DGKD: variants seen among roughly 807,000 people sequenced by gnomAD.
DGKD encodes the protein DAG kinase delta.
DGKD carries 68 observed loss-of-function variants against 154.4 expected under a neutral mutation model. The ratio of observed to expected loss-of-function variants is 0.44; its 90% CI spans 0.36 to 0.54. The LOEUF (loss-of-function observed/expected upper bound fraction) is 0.54, where lower values mean the gene tolerates loss of function less well. DGKD is among the 20% of genes least tolerant of loss of function. DGKD has a pLI of 0.00. For synonymous variants in DGKD, 693 were observed against 638.0 expected (o/e 1.09, Z -1.30); for missense variants, 1,343 against 1,593.6 (o/e 0.84, Z 2.68).
intron 3 of DGKD, among the ~76,000 whole-genome samples, chr2:233,398,664 G>A (rs770344678): frequency 6.6e-5 from 10 of 152,082 alleles, no homozygotes; most frequent in East Asian, 1.9e-4. Flanking sequence ...TCACTGTGTC[G>A]CCCAGGCTGG....
intron 1 of DGKD, among the ~76,000 whole-genome samples, chr2:233,380,328 C>G (rs779052328): frequency 7.2e-5 from 11 of 152,192 alleles, no homozygotes; most frequent in Non-Finnish European, 2.9e-5. Flanking sequence ...AGCAGTGATG[C>G]TGACAGAGCG....
chr2:233,468,247 GGGTGCCGGCTGCTGGGCTA>G (rs2063891045), intron 28 of DGKD, among the ~76,000 whole-genome samples, 157 bp from the exon 29 acceptor site: 1 of 131,698 alleles, frequency 7.6e-6, no homozygotes, highest in South Asian at 2.6e-4. Context: ...GGGCTATCTC[GGGTGCCGGCTGCTGGGCTA>G]TCTCAGGCGC....
At chr2:233,419,161 C>T (rs1187568072) in intron 3 of DGKD, 8 of 953,496 alleles carry the variant, frequency 8.4e-6, no homozygotes, top group African/African-American at 1.8e-5. Flanking sequence ...GCCACCTTTC[C>T]AAGCGCTGCA....
Position 233,449,681 on chromosome 2 carries a change from C to T in DGKD, c.1889-301C>T, listed in dbSNP as rs926848559. ...TCACGGCCTCACACCCGCACACCTG[C>T]GTGTCCATGCAGCCGCTCCTCCCGC... is the stretch of plus-strand genomic sequence containing the variant. On this transcript the variant is annotated intron_variant, in intron 15 of 29. Coordinates refer to ENST00000264057, the MANE Select transcript of DGKD (RefSeq NM_152879.3). The surrounding 1 kb of genome is among the most constrained non-coding windows in gnomAD (Gnocchi z 5.3). Among the ~76,000 whole-genome samples, 7 of 152,166 alleles carry T rather than the reference C, an allele frequency of 4.6e-5. No individual in the cohort carries two copies. The highest frequency in any genetic ancestry group is 1.7e-4 in the African/African-American group (7 of 41,450).
chr2:233,423,682 G>GT (rs1366329000), intron 3 of DGKD, among the ~76,000 whole-genome samples: 1 of 152,106 alleles, frequency 6.6e-6, no homozygotes, highest in Non-Finnish European at 1.5e-5. Context: ...GGTGGGCATG[G>GT]TTTTTTCTTG....
rs1294917718 is a variant in DGKD at position 233,417,661 on chromosome 2, G to A, written c.349-16719G>A. Reference sequence around the variant, plus strand: ...CATGTATCATTATAGATAATTAAGTGCAGATAACCCAAACAAACAAAAACC... The same window carrying A: ...CATGTATCATTATAGATAATTAAGTACAGATAACCCAAACAAACAAAAACC... On this transcript the variant is annotated intron_variant, in intron 3 of 29. Transcript: ENST00000264057. 5.9e-5 allele frequency among the ~76,000 whole-genome samples: 9 copies of A among 152,206 alleles called. No individual in the cohort carries two copies. The East Asian group carries it at 1.7e-3, about 29-fold the overall frequency.
chr2:233,444,908 C>G lies in DGKD; in HGVS notation c.1195-715C>G, dbSNP rs185286703. Reference sequence around the variant, plus strand: ...TTCATGGCCCTGGTCACTCTGTTGTCAGAGTCAAAGGCTGGTGAGCTCTGG... The same window carrying G: ...TTCATGGCCCTGGTCACTCTGTTGTGAGAGTCAAAGGCTGGTGAGCTCTGG... On this transcript the variant is annotated intron_variant, in intron 10 of 29. Transcript: ENST00000264057. 5.1e-4 allele frequency among the ~76,000 whole-genome samples: 78 copies of G among 152,032 alleles called. 1 individual carries two copies. The highest frequency in any genetic ancestry group is 5.0e-3 in the Admixed American group (77 of 15,276).
intron 3 of DGKD, among the ~76,000 whole-genome samples, chr2:233,395,496 G>C (rs901828329): frequency 6.6e-6 from 1 of 151,206 alleles, no homozygotes; most frequent in African/African-American, 2.4e-5. Context: ...ATGGTCTCTT[G>C]GTACCTCTCT....
At chr2:233,368,366 G>A (rs1403117873) in intron 1 of DGKD, among the ~76,000 whole-genome samples, 1 of 152,010 alleles carries the variant, frequency 6.6e-6, no homozygotes, top group Admixed American at 6.6e-5. Context: ...AAAAAAATTA[G>A]CTGGGCATCG....
At position 233,429,387 on chromosome 2, in the gene DGKD, C is replaced by T. The variant is rs184715808; in HGVS notation, c.349-4993C>T. 66 of 935,088 alleles carry T rather than the reference C, an allele frequency of 7.1e-5. No homozygotes were observed. In the African/African-American group the frequency reaches 1.1e-3, roughly 15 times the overall value. The allele number at this position is 935,088 out of a possible 1,614,324, so 57.9% of individuals were successfully genotyped here. A position where few individuals can be genotyped will look rare whatever the true frequency, so the allele number is the denominator to read the frequency against. ...CTCACCCAGGGTGAACAGTTCGGGACGTGTGCTCAGACTTGATAGGTAGAC... is the reference window on the plus strand; with the variant it reads ...CTCACCCAGGGTGAACAGTTCGGGATGTGTGCTCAGACTTGATAGGTAGAC... On this transcript the variant is annotated intron_variant, in intron 3 of 29. Transcript: ENST00000264057.
In DGKD at chr2:233,459,945, T is replaced by C; in HGVS notation, c.2829+54T>C. The C allele has an allele frequency of 6.3e-7, 1 of 1,583,838 alleles. No homozygotes were observed. The highest frequency in any genetic ancestry group is 8.6e-7 in the Non-Finnish European group (1 of 1,166,592). ...TGGGGTACAGGGCTCACCTGTGGGC[T>C]CTTGTGTGCACTGTTAAGAGCTGGA... On this transcript the variant is annotated intron_variant, in intron 23 of 29. Transcript: ENST00000264057. The surrounding 1 kb of genome is among the most constrained non-coding windows in gnomAD (Gnocchi z 5.7).
intron 1 of DGKD, chr2:233,379,817 AT>A (rs1212647900): frequency 2.6e-5 from 4 of 152,100 alleles, no homozygotes; most frequent in African/African-American, 9.7e-5. Context: ...TTTCTATATT[AT>A]TATTTTAATA....
rs527539032 is a variant in DGKD at position 233,450,141 on chromosome 2, C to G, written c.2038+10C>G. 1.9e-6 allele frequency: 3 copies of G among 1,599,468 alleles called. No individual in the cohort carries two copies. The South Asian group carries it at 3.4e-5, about 18-fold the overall frequency. The stretch of plus-strand genomic sequence containing the variant: ...AGGAGCCAGCGCAAAGGTACTTGTG[C>G]CTCCACCTCCCTCTGCGCACCGTCG... On this transcript the variant is annotated intron_variant, in intron 16 of 29. Transcript: ENST00000264057.
At chr2:233,395,584 T>C (rs2125459777) in intron 3 of DGKD, among the ~76,000 whole-genome samples, 1 of 151,538 alleles carries the variant, frequency 6.6e-6, no homozygotes, top group South Asian at 2.1e-4. Flanking sequence ...TTTTCTTTTT[T>C]CTCCTCCCCT....
chr2:233,415,134 T>C (rs1023614427), intron 3 of DGKD, among the ~76,000 whole-genome samples: 7 of 152,202 alleles, frequency 4.6e-5, no homozygotes, highest in African/African-American at 1.7e-4. Context: ...AGAGCAAAAC[T>C]TGAGAGCACC....
chr2:233,423,562 G>T (rs901867863), intron 3 of DGKD, among the ~76,000 whole-genome samples: 1 of 152,092 alleles, frequency 6.6e-6, no homozygotes, highest in Non-Finnish European at 1.5e-5. Flanking sequence ...GCTGTCGGGG[G>T]TGAGGACTCA....
At position 233,459,793 on chromosome 2, in the gene DGKD, G is replaced by A. The variant is rs753901500; in HGVS notation, c.2731G>A (p.Gly911Ser). ...TVKISILGDE[G>S]VPVQVDGEAW... is the part of the protein sequence containing the mutation. ...GAAGATCTCCATCCTTGGGGATGAG[G>A]GCGTGCCTGTGCAGGTGGACGGAGA... is the stretch of plus-strand genomic sequence containing the variant. Residue 911 changes from glycine (G) to serine (S), a missense_variant, in exon 23 of 30, where the codon GGC becomes AGC. Around this residue, in one of 6 missense-constraint regions of DGKD, gnomAD observed 429 missense variants for 496.3 expected, o/e 0.86. Transcript: ENST00000264057. The surrounding 1 kb of genome is among the most constrained non-coding windows in gnomAD (Gnocchi z 5.7). 6.2e-7 allele frequency: 1 copy of A among 1,613,914 alleles called. No homozygotes were observed. The highest frequency in any genetic ancestry group is 1.1e-5 in the South Asian group (1 of 91,068).
At chr2:233,385,101 T>C (rs10168794) in intron 1 of DGKD, among the ~76,000 whole-genome samples, 13,942 of 152,268 alleles carry the variant, frequency 0.092, 726 homozygotes, top group African/African-American at 0.14. Context: ...TTGGGCCTGC[T>C]AGTGCCTTTC....
chr2:233,417,356 T>C (rs2061984965), intron 3 of DGKD, among the ~76,000 whole-genome samples: 2 of 152,192 alleles, frequency 1.3e-5, no homozygotes, highest in South Asian at 4.1e-4. Flanking sequence ...TTTTAAAAGG[T>C]GCAGTTCTGT....
Sources: gnomAD v4.1 joint callset for allele counts (sites outside exome capture counted in the v4.1 genomes callset) on GRCh38, gnomAD v4.1.1 for gene constraint, gnomAD v4.1.1 regional missense constraint, Gnocchi (gnomAD v3.1) non-coding constraint, MANE v1.5 for transcripts, NCBI Gene and HGNC (gene_info 2026-07-23, HGNC 2026-07-21) for gene names.